The following SNRK variants were observed in gnomAD, a reference collection of about 807,000 sequenced individuals.
SNRK encodes the protein SNF-related serine/threonine-protein kinase.
SNRK carries 3 observed loss-of-function variants against 48.2 expected under a neutral mutation model. That is an observed-to-expected ratio of 0.06 (90% CI 0.03 to 0.16). The LOEUF (loss-of-function observed/expected upper bound fraction) is 0.16. Ranked by LOEUF, SNRK falls within the 10% of genes least tolerant of loss-of-function variation. SNRK has a pLI of 1.00. For missense variants in SNRK, 627 were observed against 976.0 expected (o/e 0.64, Z 4.76); for synonymous variants, 376 against 366.1 (o/e 1.03, Z -0.31).
intron 3 of SNRK, among the ~76,000 whole-genome samples, chr3:43,318,748 C>T (rs947662920): frequency 6.6e-6 from 1 of 151,940 alleles, no homozygotes; most frequent in Non-Finnish European, 1.5e-5. Context: ...GAATCGAGTC[C>T]GGCGTGGTGG....
rs1369226764 is a variant in SNRK at position 43,348,594 on chromosome 3, C to T, written c.*37C>T. ...TCTGGCCGCTAGCACGCTTCCTGCT[C>T]AGAGCAGTGAAGACCGGCTCACTTC... On this transcript the variant is annotated 3_prime_UTR_variant, in exon 7 of 7. Transcript: ENST00000296088. 6.7e-7 allele frequency: 1 copy of T among 1,499,362 alleles called. No homozygotes were observed. The highest frequency in any genetic ancestry group is 1.4e-5 in the African/African-American group (1 of 71,250). The allele number at this position is 1,499,362 out of a possible 1,614,324, so 92.9% of individuals were successfully genotyped here.
At chr3:43,319,325 C>T (rs2091036699) in intron 3 of SNRK, among the ~76,000 whole-genome samples, 2 of 152,138 alleles carry the variant, frequency 1.3e-5, no homozygotes, top group African/African-American at 4.8e-5. Flanking sequence ...TAAGAAAAAA[C>T]ATTACAAGTT....
chr3:43,348,589 CT>C lies in SNRK; in HGVS notation c.*33del. On this transcript the variant is annotated 3_prime_UTR_variant, in exon 7 of 7. Coordinates refer to ENST00000296088, the MANE Select transcript of SNRK (RefSeq NM_017719.5). ...CCCCATCTGGCCGCTAGCACGCTTCCTGCTCAGAGCAGTGAAGACCGGCTCA... is the reference window on the plus strand; with the variant it reads ...CCCCATCTGGCCGCTAGCACGCTTCCGCTCAGAGCAGTGAAGACCGGCTCA... 1 of 1,502,578 alleles carries C rather than the reference CT, an allele frequency of 6.7e-7. No homozygotes were observed. The highest frequency in any genetic ancestry group is 8.8e-7 in the Non-Finnish European group (1 of 1,130,348). 93.1% of individuals were successfully genotyped at this position (1,502,578 alleles called of 1,614,324 possible).
chr3:43,302,100 G>A (rs766028009), intron 2 of SNRK, among the ~76,000 whole-genome samples: 6 of 152,080 alleles, frequency 3.9e-5, no homozygotes, highest in Non-Finnish European at 7.4e-5. Flanking sequence ...ATATAATCAC[G>A]TTATGCTGGG....
intron 3 of SNRK, among the ~76,000 whole-genome samples, chr3:43,316,233 G>C (rs1383098945): frequency 6.6e-6 from 1 of 152,034 alleles, no homozygotes; most frequent in Non-Finnish European, 1.5e-5. Context: ...ATAAGGCTCA[G>C]ATCAAACAAA....
intron 1 of SNRK, among the ~76,000 whole-genome samples, chr3:43,287,039 G>A (rs1490489232): frequency 1.3e-5 from 2 of 150,160 alleles, no homozygotes; most frequent in African/African-American, 4.9e-5. Flanking sequence ...GCCCCGGAGC[G>A]GGCCGAGTGC....
intron 5 of SNRK, 49 bp downstream of exon 5, chr3:43,340,548 G>T: frequency 1.3e-6 from 2 of 1,521,100 alleles, no homozygotes; most frequent in East Asian, 4.5e-5. Flanking sequence ...AGGATTCTTG[G>T]AATGGGCTCT....
At chr3:43,293,908 G>T (rs1467020807) in intron 1 of SNRK, among the ~76,000 whole-genome samples, 1 of 151,536 alleles carries the variant, frequency 6.6e-6, no homozygotes, top group Non-Finnish European at 1.5e-5. Flanking sequence ...GACAGAGTGA[G>T]GCTCTGTCTC....
intron 4 of SNRK, among the ~76,000 whole-genome samples, chr3:43,335,367 A>G (rs1193561934): frequency 6.6e-6 from 1 of 152,158 alleles, no homozygotes. Context: ...ACATTTCCAA[A>G]TGTATGGCGT....
chr3:43,290,967 A>G (rs1160441549), intron 1 of SNRK, among the ~76,000 whole-genome samples: 1 of 152,154 alleles, frequency 6.6e-6, no homozygotes, highest in Non-Finnish European at 1.5e-5. Context: ...CACATTTGTG[A>G]TAAGGGTCAT....
Position 43,349,270 on chromosome 3 carries a change from GCAGA to G in SNRK, c.*716_*719del, listed in dbSNP as rs2091304054. On this transcript the variant is annotated 3_prime_UTR_variant, in exon 7 of 7. Transcript: ENST00000296088. Reference sequence around the variant, plus strand: ...CTTCCCCTGTAGTGATAAATTACAAGCAGACAATCTTATTTTGTAATGTGATGAA... The same window carrying G: ...CTTCCCCTGTAGTGATAAATTACAAGCAATCTTATTTTGTAATGTGATGAA... The G allele has an allele frequency of 6.6e-6, 1 of 152,630 alleles. No individual in the cohort carries two copies. Among genetic ancestry groups the G allele is most frequent in the South Asian group, 2.1e-4 (1 of 4,834 alleles). The allele number at this position is 152,630 out of a possible 1,614,324, so 9.5% of individuals were successfully genotyped here.
At chr3:43,339,816 AAAATATATAT>A (rs2091219064) in intron 4 of SNRK, among the ~76,000 whole-genome samples, 1 of 78,292 alleles carries the variant, frequency 1.3e-5, no homozygotes, top group Non-Finnish European at 2.4e-5. Flanking sequence ...CTCCATTTCC[AAAATATATAT>A]ATATATATAT....
chr3:43,346,406 A>T (rs1340967332), intron 6 of SNRK, among the ~76,000 whole-genome samples: 1 of 152,208 alleles, frequency 6.6e-6, no homozygotes, highest in Admixed American at 6.5e-5. Context: ...TTGACAGTTC[A>T]GAGACGTTTA....
intron 3 of SNRK, among the ~76,000 whole-genome samples, chr3:43,315,753 C>T (rs1312878928): frequency 1.3e-5 from 2 of 152,190 alleles, no homozygotes; most frequent in African/African-American, 2.4e-5. Context: ...GCCTGGGGCC[C>T]AGGCATAGTC....
rs1447612367 is a variant in SNRK, at chr3:43,350,960, T to G, written c.*2403T>G. On this transcript the variant is annotated 3_prime_UTR_variant, in exon 7 of 7. Transcript: ENST00000296088. ...TTTAAGAATAGCTGTGAGACCGAAT[T>G]AAAGATAATCCCTACCAAGTGAAAA... The G allele has an allele frequency of 6.6e-6, 1 of 152,600 alleles. No homozygotes were observed. Among genetic ancestry groups the G allele is most frequent in the Non-Finnish European group, 1.5e-5 (1 of 68,030 alleles). 9.5% of individuals were successfully genotyped at this position (152,600 alleles called of 1,614,324 possible). A position where few individuals can be genotyped will look rare whatever the true frequency, so the allele number is the denominator to read the frequency against.
rs2091219132 is a variant in SNRK at position 43,339,816 on chromosome 3, AAAATATATATATATAT to A, written c.732-469_732-454del. ...GGCAATGGAGTGGGACTCCATTTCC[AAAATATATATATATAT>A]ATATATATATATATATATATATATA... On this transcript the variant is annotated intron_variant, in intron 4 of 6. Coordinates refer to ENST00000296088, the MANE Select transcript of SNRK (RefSeq NM_017719.5). 4.2e-4 allele frequency among the ~76,000 whole-genome samples: 33 copies of A among 78,340 alleles called. 1 individual carries two copies. The South Asian group carries it at 0.014, about 33-fold the overall frequency. The allele number at this position is 78,340 out of a possible 152,430, so 51.4% of individuals were successfully genotyped here.
intron 2 of SNRK, among the ~76,000 whole-genome samples, chr3:43,300,138 T>G (rs2125617887): frequency 6.6e-6 from 1 of 152,276 alleles, no homozygotes; most frequent in Admixed American, 6.5e-5. Flanking sequence ...GTAAATTATT[T>G]GGTAGTAAGA....
intron 3 of SNRK, among the ~76,000 whole-genome samples, chr3:43,308,863 A>T (rs1447102086): frequency 6.6e-6 from 1 of 152,228 alleles, no homozygotes; most frequent in African/African-American, 2.4e-5. Flanking sequence ...CCTCCGATCC[A>T]TCTGGGCAAA....
chr3:43,310,064 A>G (rs866298081), intron 3 of SNRK, among the ~76,000 whole-genome samples: 1 of 152,156 alleles, frequency 6.6e-6, no homozygotes, highest in African/African-American at 2.4e-5. Context: ...CTGTATTGCA[A>G]CATTCGCTTT....
Sources: gnomAD v4.1 joint callset for allele counts (sites outside exome capture counted in the v4.1 genomes callset) on GRCh38, gnomAD v4.1.1 for gene constraint, MANE v1.5 for transcripts, NCBI Gene and HGNC (gene_info 2026-07-23, HGNC 2026-07-21) for gene names.